UBAC2: variants seen among roughly 807,000 people sequenced by gnomAD.
The protein encoded by UBAC2 is ubiquitin-associated domain-containing protein 2.
Under a neutral mutation model 44.0 loss-of-function variants are expected in UBAC2, and 26 were observed. The ratio of observed to expected loss-of-function variants is 0.59; its 90% CI spans 0.43 to 0.82. The LOEUF (loss-of-function observed/expected upper bound fraction) is 0.82, where lower values mean the gene tolerates loss of function less well. Ranked by LOEUF, UBAC2 falls within the 40% of genes least tolerant of loss-of-function variation. UBAC2 has a pLI of 0.00. For synonymous variants in UBAC2, 155 were observed against 154.3 expected, an observed-to-expected ratio of 1.00 and a Z score of -0.04; for missense variants, 329 against 419.4, an observed-to-expected ratio of 0.78 and a Z score of 1.88.
chr13:99,345,086 G>A (rs1375764753), intron 7 of UBAC2, among the ~76,000 whole-genome samples: 3 of 152,158 alleles, frequency 2.0e-5, no homozygotes, highest in African/African-American at 7.2e-5. Flanking sequence ...AGAGGGTAAG[G>A]CACATCATTC....
At chr13:99,300,740 T>C (rs1384667763) in intron 4 of UBAC2, among the ~76,000 whole-genome samples, 1 of 152,224 alleles carries the variant, frequency 6.6e-6, no homozygotes, top group African/African-American at 2.4e-5. Flanking sequence ...GCGTTGAACA[T>C]GTGCTGTTAT....
chr13:99,309,820 C>G (rs1224734006), intron 4 of UBAC2, among the ~76,000 whole-genome samples: 2 of 152,028 alleles, frequency 1.3e-5, no homozygotes, highest in Non-Finnish European at 2.9e-5. Context: ...TTATGTTGCC[C>G]AGGCTGGTCT....
At chr13:99,207,768 C>A (rs1343987122) in intron 1 of UBAC2, among the ~76,000 whole-genome samples, 1 of 152,100 alleles carries the variant, frequency 6.6e-6, no homozygotes, top group Non-Finnish European at 1.5e-5. Flanking sequence ...TCATTTGAGG[C>A]CTGCACTCTC....
intron 6 of UBAC2, among the ~76,000 whole-genome samples, chr13:99,337,568 C>T (rs990851829): frequency 6.6e-5 from 10 of 152,146 alleles, no homozygotes; most frequent in Non-Finnish European, 4.4e-5. Context: ...CCCTTTCATC[C>T]TAAGGATTTA....
chr13:99,274,272 A>AT (rs915009199), intron 4 of UBAC2, among the ~76,000 whole-genome samples: 3 of 150,050 alleles, frequency 2.0e-5, no homozygotes, highest in African/African-American at 7.3e-5. Flanking sequence ...CCTGTAGTTA[A>AT]TTTTTTTTCC....
chr13:99,381,825 G>A (rs2045555511), intron 8 of UBAC2, among the ~76,000 whole-genome samples: 1 of 152,194 alleles, frequency 6.6e-6, no homozygotes, highest in Admixed American at 6.5e-5. Flanking sequence ...AGGAAAGTGT[G>A]AATTCTGAGA....
intron 6 of UBAC2, among the ~76,000 whole-genome samples, chr13:99,336,799 A>G (rs955577609): frequency 2.6e-5 from 4 of 152,172 alleles, no homozygotes; most frequent in African/African-American, 9.7e-5. Context: ...GATATACAAC[A>G]CAAACTAACT....
At chr13:99,280,359 G>C (rs1566482947) in intron 4 of UBAC2, among the ~76,000 whole-genome samples, 2 of 152,128 alleles carry the variant, frequency 1.3e-5, no homozygotes, top group African/African-American at 4.8e-5. Context: ...GATTTCTCTG[G>C]ATTCATTTAT....
intron 4 of UBAC2, among the ~76,000 whole-genome samples, chr13:99,276,986 A>G (rs2138676383): frequency 6.6e-6 from 1 of 152,284 alleles, no homozygotes; most frequent in Non-Finnish European, 1.5e-5. Context: ...TTGGGAAGTC[A>G]AATGTTAATC....
At chr13:99,235,936 C>T (rs1207379260) in intron 1 of UBAC2, among the ~76,000 whole-genome samples, 1 of 151,958 alleles carries the variant, frequency 6.6e-6, no homozygotes, top group Non-Finnish European at 1.5e-5. Context: ...CTGCTGGACT[C>T]CAGCTTGGGC....
At chr13:99,356,958 A>G (rs921925147) in intron 7 of UBAC2, among the ~76,000 whole-genome samples, 4 of 152,168 alleles carry the variant, frequency 2.6e-5, no homozygotes, top group African/African-American at 9.7e-5. Flanking sequence ...CAGTTTTGCC[A>G]CAAAGCTTTT....
At chr13:99,212,542 T>C (rs1183664739) in intron 1 of UBAC2, among the ~76,000 whole-genome samples, 1 of 152,212 alleles carries the variant, frequency 6.6e-6, no homozygotes, top group Non-Finnish European at 1.5e-5. Flanking sequence ...GTTGGCCATA[T>C]TGTTTTTTGA....
At chr13:99,308,857 A>G (rs924841268) in intron 4 of UBAC2, 1 of 152,222 alleles carries the variant, frequency 6.6e-6, no homozygotes, top group East Asian at 1.9e-4. Flanking sequence ...CAAAAATTCT[A>G]TGAGGGGGTA....
intron 1 of UBAC2, chr13:99,201,396 T>G (rs970698298): frequency 6.2e-7 from 1 of 1,606,230 alleles, no homozygotes; most frequent in African/African-American, 1.3e-5. Context: ...GAAGCTGACC[T>G]CTCAGTTTCA....
intron 4 of UBAC2, chr13:99,255,861 C>T (rs1357534491): frequency 2.6e-6 from 4 of 1,560,856 alleles, no homozygotes; most frequent in Non-Finnish European, 3.5e-6. Flanking sequence ...CTTGATTGTT[C>T]AGGGTGATCA....
intron 7 of UBAC2, among the ~76,000 whole-genome samples, chr13:99,348,575 A>T (rs1469737099): frequency 6.6e-6 from 1 of 152,254 alleles, no homozygotes; most frequent in Non-Finnish European, 1.5e-5. Context: ...AGAGGCCAGG[A>T]CGGGTCTTCT....
chr13:99,363,404 A>T (rs1290106904), intron 7 of UBAC2, among the ~76,000 whole-genome samples: 1 of 152,240 alleles, frequency 6.6e-6, no homozygotes, highest in African/African-American at 2.4e-5. Flanking sequence ...GGGAATAGGA[A>T]TAATAATAGG....
intron 1 of UBAC2, among the ~76,000 whole-genome samples, chr13:99,208,370 TACCC>T (rs2042899619): frequency 2.0e-5 from 3 of 152,320 alleles, no homozygotes; most frequent in Non-Finnish European, 4.4e-5. Context: ...CCTTGTGACT[TACCC>T]TTTATGCTTT....
intron 1 of UBAC2, chr13:99,234,297 TTC>T: frequency 3.5e-6 from 1 of 289,790 alleles, no homozygotes; most frequent in East Asian, 1.6e-4. Flanking sequence ...ATTCAAGTGA[TTC>T]TCCCGCCTCA....
Sources: allele counts gnomAD v4.1 joint callset (sites outside exome capture counted in the v4.1 genomes callset), GRCh38; gene constraint gnomAD v4.1.1; transcripts MANE v1.5; gene names NCBI Gene and HGNC (gene_info 2026-07-23, HGNC 2026-07-21).